ROBO1: variants seen among roughly 807,000 people sequenced by gnomAD.
ROBO1 encodes roundabout homolog 1.
A neutral mutation model predicts 195.9 loss-of-function variants in ROBO1; 149 were observed. That is an observed-to-expected ratio of 0.76 (90% CI 0.67 to 0.87). The LOEUF is 0.87. Among genes scored for constraint, ROBO1 ranks in the 40% least tolerant of loss-of-function variants. The pLI, the probability that ROBO1 is intolerant of heterozygous loss-of-function variation, is 0.00. For synonymous variants in ROBO1, 816 were observed against 733.2 expected, an observed-to-expected ratio of 1.11 and a Z score of -1.82; for missense variants, 1,933 against 2,068.3, an observed-to-expected ratio of 0.93 and a Z score of 1.27.
intron 2 of ROBO1, among the ~76,000 whole-genome samples, chr3:79,329,316 A>T (rs1470672834): frequency 6.6e-6 from 1 of 152,132 alleles, no homozygotes. Context: ...TCAAGTTACT[A>T]GGTAACAGAA....
intron 1 of ROBO1, among the ~76,000 whole-genome samples, chr3:79,643,711 T>C (rs1023454389): frequency 6.6e-6 from 1 of 151,746 alleles, no homozygotes; most frequent in East Asian, 1.9e-4. Flanking sequence ...GTAACCACAA[T>C]ACAAAAACCT....
intron 28 of ROBO1, among the ~76,000 whole-genome samples, chr3:78,613,806 C>A (rs1382044988): frequency 6.6e-6 from 1 of 152,082 alleles, no homozygotes; most frequent in Non-Finnish European, 1.5e-5. Context: ...AAATGATGCC[C>A]TTTTTGAAAA....
intron 3 of ROBO1, among the ~76,000 whole-genome samples, chr3:78,996,275 G>T (rs1336817597): frequency 6.7e-6 from 1 of 149,636 alleles, no homozygotes; most frequent in African/African-American, 2.5e-5. Context: ...TTGAGGCCAG[G>T]AGTTCAAGAC....
At chr3:79,031,745 C>T (rs1238408371) in intron 3 of ROBO1, among the ~76,000 whole-genome samples, 2 of 151,992 alleles carry the variant, frequency 1.3e-5, no homozygotes, top group African/African-American at 2.4e-5. Flanking sequence ...GTGATTTCAT[C>T]GTGAAAAAGA....
At chr3:79,681,994 T>G in intron 1 of ROBO1, among the ~76,000 whole-genome samples, 1 of 152,002 alleles carries the variant, frequency 6.6e-6, no homozygotes, top group East Asian at 1.9e-4. Context: ...AAATTCAAAC[T>G]TAGGGGCTTT....
chr3:79,599,747 A>T (rs1944284864), intron 1 of ROBO1, among the ~76,000 whole-genome samples: 1 of 152,028 alleles, frequency 6.6e-6, no homozygotes, highest in African/African-American at 2.4e-5. Context: ...ATCTTCTTTC[A>T]CTTTAATTAC....
At chr3:78,881,063 T>C (rs1036719170) in intron 4 of ROBO1, among the ~76,000 whole-genome samples, 24 of 152,326 alleles carry the variant, frequency 1.6e-4, no homozygotes, top group African/African-American at 5.5e-4. Context: ...CAATTTCATA[T>C]TGTCAACAGA....
intron 8 of ROBO1, among the ~76,000 whole-genome samples, chr3:78,707,234 A>T (rs1301694728): frequency 2.6e-5 from 4 of 152,216 alleles, no homozygotes; most frequent in Non-Finnish European, 5.9e-5. Flanking sequence ...TCTAGGAAGC[A>T]TCCCATTAGT....
intron 2 of ROBO1, among the ~76,000 whole-genome samples, chr3:79,561,463 T>C (rs758093282): frequency 3.3e-5 from 5 of 152,186 alleles, no homozygotes; most frequent in Admixed American, 2.6e-4. Flanking sequence ...CTCAGAGCTT[T>C]CAACAAGGTG....
intron 1 of ROBO1, among the ~76,000 whole-genome samples, chr3:79,747,265 T>G (rs921205352): frequency 2.6e-5 from 4 of 152,032 alleles, no homozygotes; most frequent in Non-Finnish European, 4.4e-5. Context: ...AATATGTTTG[T>G]TTATCTGGAT....
At chr3:78,925,680 A>T (rs1294785905) in intron 4 of ROBO1, among the ~76,000 whole-genome samples, 3 of 152,186 alleles carry the variant, frequency 2.0e-5, no homozygotes, top group African/African-American at 7.2e-5. Context: ...AGGTATACAC[A>T]GCGGTGAGAA....
chr3:79,456,975 T>C (rs2039638138), intron 2 of ROBO1, among the ~76,000 whole-genome samples: 1 of 152,188 alleles, frequency 6.6e-6, no homozygotes, highest in Non-Finnish European at 1.5e-5. Flanking sequence ...GTTAATTTTT[T>C]CTTCTCAAGA....
chr3:79,060,171 C>A (rs1447235337), intron 3 of ROBO1, among the ~76,000 whole-genome samples: 2 of 151,958 alleles, frequency 1.3e-5, no homozygotes, highest in East Asian at 1.9e-4. Flanking sequence ...GAAATTCCAG[C>A]CTGGTGAAAT....
intron 1 of ROBO1, among the ~76,000 whole-genome samples, chr3:79,625,902 CA>C (rs1945163837): frequency 6.6e-6 from 1 of 151,934 alleles, no homozygotes; most frequent in Non-Finnish European, 1.5e-5. Flanking sequence ...AGAGACACAA[CA>C]AAAAAAGAAG....
intron 2 of ROBO1, among the ~76,000 whole-genome samples, chr3:79,469,811 G>C (rs1001785799): frequency 2.6e-5 from 4 of 151,862 alleles, no homozygotes; most frequent in African/African-American, 9.7e-5. Context: ...ACAACAATTT[G>C]AACTAAGGAC....
chr3:78,770,415 A>G (rs1244909313), intron 4 of ROBO1, among the ~76,000 whole-genome samples: 1 of 152,084 alleles, frequency 6.6e-6, no homozygotes, highest in African/African-American at 2.4e-5. Flanking sequence ...TTGGCTGCTT[A>G]TATGTTTTCT....
intron 1 of ROBO1, among the ~76,000 whole-genome samples, chr3:79,649,168 A>G (rs2106732189): frequency 6.6e-6 from 1 of 152,180 alleles, no homozygotes; most frequent in Admixed American, 6.6e-5. Context: ...AAATGATTTC[A>G]ACATCCAACT....
At chr3:79,706,642 G>A (rs1035500841) in intron 1 of ROBO1, among the ~76,000 whole-genome samples, 4 of 152,010 alleles carry the variant, frequency 2.6e-5, no homozygotes, top group African/African-American at 9.7e-5. Context: ...AGTCTCATGT[G>A]ATCTGATGGT....
chr3:79,120,573 G>C (rs543973742), intron 3 of ROBO1, among the ~76,000 whole-genome samples: 1 of 152,104 alleles, frequency 6.6e-6, no homozygotes, highest in African/African-American at 2.4e-5. Context: ...TAAGAAACAG[G>C]AGATCCAACA....
Sources: gnomAD v4.1 joint callset for allele counts (sites outside exome capture counted in the v4.1 genomes callset) on GRCh38, gnomAD v4.1.1 for gene constraint, MANE v1.5 for transcripts, NCBI Gene and HGNC (gene_info 2026-07-23, HGNC 2026-07-21) for gene names.